The following GRIP1 variants were observed in gnomAD, a reference collection of about 807,000 sequenced individuals.
GRIP1 encodes glutamate receptor-interacting protein 1.
In GRIP1, 45 loss-of-function variants were observed where a neutral mutation model predicts 129.9. The observed-to-expected ratio is 0.35, with a 90% confidence interval of 0.27 to 0.44. The LOEUF is 0.44. Among genes scored for constraint, GRIP1 ranks in the 20% least tolerant of loss-of-function variants. The pLI is 1.00. For missense variants in GRIP1, 1,196 were observed against 1,396.8 expected (o/e 0.86, Z 2.29); for synonymous variants, 530 against 520.8 (o/e 1.02, Z -0.24).
chr12:66,404,604 C>A lies in GRIP1; in HGVS notation c.1984+1679G>T, dbSNP rs139184339. Among the ~76,000 whole-genome samples the A allele has an allele frequency of 2.2e-3, 328 of 152,230 alleles. 1 individual carries two copies. The highest frequency in any genetic ancestry group is 7.5e-3 in the African/African-American group (310 of 41,528). ...GAGGCAATTATATTTATTCCTAAACCCGTTTATGCCAGCTGTACTTGTTAT... is the reference window on the plus strand; with the variant it reads ...GAGGCAATTATATTTATTCCTAAACACGTTTATGCCAGCTGTACTTGTTAT... On this transcript the variant is annotated intron_variant, in intron 16 of 24. Coordinates refer to ENST00000359742, the MANE Select transcript of GRIP1 (RefSeq NM_001366722.1).
chr12:66,517,585 T>G (rs2060883532), intron 6 of GRIP1, among the ~76,000 whole-genome samples: 1 of 152,152 alleles, frequency 6.6e-6, no homozygotes. Flanking sequence ...CCATGCCCCC[T>G]GCAAGGCATT....
chr12:66,513,428 T>C (rs2060757461), intron 7 of GRIP1, among the ~76,000 whole-genome samples: 1 of 152,120 alleles, frequency 6.6e-6, no homozygotes, highest in Non-Finnish European at 1.5e-5. Flanking sequence ...AAATGACATA[T>C]TTTAGCTATT....
chr12:66,921,966 A>T (rs2041220844), intron 1 of GRIP1, among the ~76,000 whole-genome samples: 1 of 152,236 alleles, frequency 6.6e-6, no homozygotes, highest in African/African-American at 2.4e-5. Context: ...AGGAAAGAGG[A>T]TTAGAAAAAG....
At chr12:66,350,296 G>A (rs993223515) in intron 24 of GRIP1, among the ~76,000 whole-genome samples, 2 of 151,984 alleles carry the variant, frequency 1.3e-5, no homozygotes, top group Admixed American at 6.6e-5. Context: ...TCAGGAGTTC[G>A]AGACCAGCCT....
intron 1 of GRIP1, among the ~76,000 whole-genome samples, chr12:66,954,686 C>T (rs767484253): frequency 2.0e-5 from 3 of 152,216 alleles, no homozygotes; most frequent in Non-Finnish European, 4.4e-5. Flanking sequence ...TAAGTGCCTA[C>T]TATGTGCCAG....
chr12:67,015,747 C>T (rs10128955), intron 1 of GRIP1, among the ~76,000 whole-genome samples: 21,512 of 152,138 alleles, frequency 0.14, 1,629 homozygotes, highest in East Asian at 0.26. Context: ...AGAGCAATTT[C>T]CCTTGAATTT....
chr12:66,960,951 A>G (rs1027063750), intron 1 of GRIP1, among the ~76,000 whole-genome samples: 2 of 143,348 alleles, frequency 1.4e-5, no homozygotes, highest in Admixed American at 7.0e-5. Context: ...CCTCCCCTGT[A>G]AGGAAAGGGC....
At chr12:66,972,192 C>A (rs2137579188) in intron 1 of GRIP1, among the ~76,000 whole-genome samples, 1 of 152,242 alleles carries the variant, frequency 6.6e-6, no homozygotes, top group Non-Finnish European at 1.5e-5. Flanking sequence ...AGTCTTCTTC[C>A]CACTTAAACA....
intron 16 of GRIP1, among the ~76,000 whole-genome samples, chr12:66,399,517 A>G (rs1183895553): frequency 6.6e-6 from 1 of 151,986 alleles, no homozygotes; most frequent in Non-Finnish European, 1.5e-5. Context: ...ATGATATTAT[A>G]AACAACTTTT....
intron 13 of GRIP1, 119 bp downstream of exon 13, chr12:66,444,465 C>T: frequency 1.2e-6 from 1 of 831,770 alleles, no homozygotes; most frequent in Non-Finnish European, 1.9e-6. Flanking sequence ...CGCAGTCCAG[C>T]CTGGGCGACA....
At chr12:66,658,592 AG>A (rs199985008) in intron 1 of GRIP1, among the ~76,000 whole-genome samples, 1 of 137,238 alleles carries the variant, frequency 7.3e-6, no homozygotes, top group Admixed American at 7.8e-5. Context: ...AAAAAAAAAA[AG>A]AAAAAAAAAT....
intron 1 of GRIP1, among the ~76,000 whole-genome samples, chr12:67,047,325 C>T (rs1565654572): frequency 6.6e-6 from 1 of 152,062 alleles, no homozygotes; most frequent in Non-Finnish European, 1.5e-5. Context: ...AAATTTGAGA[C>T]ACAGCAAAAA....
chr12:66,349,989 C>T (rs1168322), intron 24 of GRIP1, among the ~76,000 whole-genome samples: 76,137 of 151,572 alleles, frequency 0.5, 19,670 homozygotes, highest in East Asian at 0.57. Context: ...CTCCCTGACA[C>T]ATTGCACTGC....
At chr12:66,406,498 A>T in intron 15 of GRIP1, 70 bp from the exon 16 acceptor site, 1 of 1,357,110 alleles carries the variant, frequency 7.4e-7, no homozygotes, top group Non-Finnish European at 1.1e-6. Flanking sequence ...AGAGGCATTA[A>T]GCATAATGCA....
intron 1 of GRIP1, among the ~76,000 whole-genome samples, chr12:66,980,054 T>G (rs1404435643): frequency 6.6e-6 from 1 of 152,154 alleles, no homozygotes. Context: ...CAGTGAGGCT[T>G]CTGCAGCACC....
chr12:66,794,711 G>A (rs555820227), intron 1 of GRIP1, among the ~76,000 whole-genome samples: 7 of 152,186 alleles, frequency 4.6e-5, no homozygotes, highest in African/African-American at 1.7e-4. Flanking sequence ...AAAATCAGAG[G>A]GCTGGATTGG....
At chr12:66,725,348 T>C (rs767801658) in intron 1 of GRIP1, among the ~76,000 whole-genome samples, 5 of 151,910 alleles carry the variant, frequency 3.3e-5, no homozygotes, top group African/African-American at 4.8e-5. Flanking sequence ...AAGTAATACA[T>C]GAACATTATA....
At chr12:66,698,548 C>T (rs942612122) in intron 1 of GRIP1, among the ~76,000 whole-genome samples, 2 of 152,162 alleles carry the variant, frequency 1.3e-5, no homozygotes, top group Admixed American at 1.3e-4. Flanking sequence ...GTCAGTTTGG[C>T]CACCAACCCG....
rs1309084511 is a variant in GRIP1, at chr12:66,465,523, A to G, written c.725-101T>C. 12 of 986,452 alleles carry G rather than the reference A, an allele frequency of 1.2e-5. No homozygotes were observed. The East Asian group carries it at 2.9e-4, about 24-fold the overall frequency. The allele number at this position is 986,452 out of a possible 1,614,324, so 61.1% of individuals were successfully genotyped here. A position where few individuals can be genotyped will look rare whatever the true frequency, so the allele number is the denominator to read the frequency against. On this transcript the variant is annotated intron_variant, in intron 7 of 24. Coordinates refer to ENST00000359742, the MANE Select transcript of GRIP1 (RefSeq NM_001366722.1). ...TATTCAGTTTGGTGTTAGCCTGTTA[A>G]TTTTATCACTGAAACTTAGATTTCC... is the stretch of plus-strand genomic sequence containing the variant.
Sources: allele counts gnomAD v4.1 joint callset (sites outside exome capture counted in the v4.1 genomes callset), GRCh38; gene constraint gnomAD v4.1.1; transcripts MANE v1.5; gene names NCBI Gene and HGNC (gene_info 2026-07-23, HGNC 2026-07-21).